The following PPP2R2B variants were observed in gnomAD, a reference collection of about 807,000 sequenced individuals.
PPP2R2B encodes the protein protein phosphatase 2 regulatory subunit Bbeta, also known as serine/threonine-protein phosphatase 2A 55 kDa regulatory subunit B beta isoform.
PPP2R2B carries 5 observed loss-of-function variants against 46.0 expected under a neutral mutation model. That is an observed-to-expected ratio of 0.11 (90% confidence interval 0.06 to 0.23). The LOEUF is 0.23. PPP2R2B is among the 10% of genes least tolerant of loss of function. The probability of loss-of-function intolerance (pLI) is 1.00; values close to 1 mark genes in which losing one functional copy is unlikely to be tolerated. For missense variants in PPP2R2B, 367 were observed against 575.0 expected (o/e 0.64, Z 3.70); for synonymous variants, 215 against 206.7 (o/e 1.04, Z -0.34).
Position 146,878,386 on chromosome 5 carries a change from G to A in PPP2R2B, c.-124-191C>T, listed in dbSNP as rs1012893682. The A allele has an allele frequency of 1.7e-5, 24 of 1,429,356 alleles. No homozygotes were observed. Among genetic ancestry groups the A allele is most frequent in the Admixed American group, 2.9e-5 (1 of 34,388 alleles). 88.5% of individuals were successfully genotyped at this position (1,429,356 alleles called of 1,614,324 possible). ...CGGGTGCCAAGATACGCCGTGCCCC[G>A]AGGGGTCTGGTCCCGCCCGCCCGCC... On this transcript the variant is annotated intron_variant, in intron 1 of 9. Transcript: ENST00000394411. The surrounding 1 kb of genome is among the most constrained non-coding windows in gnomAD (Gnocchi z 4.5).
chr5:146,906,050 A>G (rs966364660), intron 1 of PPP2R2B, among the ~76,000 whole-genome samples: 1 of 152,084 alleles, frequency 6.6e-6, no homozygotes, highest in African/African-American at 2.4e-5. Context: ...ATTTGAACCT[A>G]TTTTTTCAGC....
chr5:146,825,485 TTTGCACTTGCTTGCATTTCTATCA>T (rs1375175836), intron 2 of PPP2R2B, among the ~76,000 whole-genome samples: 1 of 152,224 alleles, frequency 6.6e-6, no homozygotes, highest in Non-Finnish European at 1.5e-5. Flanking sequence ...GGTACATGAA[TTTGCACTTGCTTGCATTTCTATCA>T]TTGCACTTGC....
chr5:146,690,364 T>G (rs551965640), intron 5 of PPP2R2B, among the ~76,000 whole-genome samples: 1 of 152,338 alleles, frequency 6.6e-6, no homozygotes, highest in South Asian at 2.1e-4. Flanking sequence ...ACTTTTCTGG[T>G]CTCCAAAAAC....
At chr5:147,044,262 C>T (rs1756448807) in intron 1 of PPP2R2B, among the ~76,000 whole-genome samples, 1 of 152,028 alleles carries the variant, frequency 6.6e-6, no homozygotes, top group African/African-American at 2.4e-5. Flanking sequence ...AATTTAAAGA[C>T]TTAGGCATAC....
intron 1 of PPP2R2B, among the ~76,000 whole-genome samples, chr5:146,966,711 C>T (rs2151845551): frequency 1.3e-5 from 2 of 152,288 alleles, no homozygotes; most frequent in Middle Eastern, 6.8e-3. Flanking sequence ...CTGGGCCTGG[C>T]ACAGCGTAGG....
chr5:147,057,924 A>G (rs1757141370), upstream of PPP2R2B, among the ~76,000 whole-genome samples: 1 of 152,234 alleles, frequency 6.6e-6, no homozygotes, highest in Non-Finnish European at 1.5e-5. Context: ...TAGTTCATAT[A>G]AAGGGCTTAG....
intron 2 of PPP2R2B, among the ~76,000 whole-genome samples, chr5:147,066,485 G>T (rs781249980): frequency 5.9e-5 from 9 of 152,128 alleles, no homozygotes; most frequent in Admixed American, 1.3e-4. Context: ...GCAAACCTGG[G>T]TGAGACTTTC....
At chr5:146,849,515 T>C (rs555153602) in intron 2 of PPP2R2B, among the ~76,000 whole-genome samples, 17 of 152,334 alleles carry the variant, frequency 1.1e-4, no homozygotes, top group Non-Finnish European at 2.2e-4. Context: ...GTTGACTTAC[T>C]GTTGAATTTA....
At chr5:146,799,563 T>C (rs1433591106) in intron 2 of PPP2R2B, among the ~76,000 whole-genome samples, 1 of 152,156 alleles carries the variant, frequency 6.6e-6, no homozygotes, top group Non-Finnish European at 1.5e-5. Flanking sequence ...TGTCCACTCA[T>C]GAGTTTTGGG....
intron 2 of PPP2R2B, among the ~76,000 whole-genome samples, chr5:146,704,009 C>A (rs753147351): frequency 2.2e-4 from 34 of 152,170 alleles, no homozygotes; most frequent in Non-Finnish European, 4.0e-4. Context: ...TTGTCTACTT[C>A]CCTTCAGAGA....
At chr5:146,775,125 A>T (rs977534321) in intron 2 of PPP2R2B, among the ~76,000 whole-genome samples, 1 of 152,180 alleles carries the variant, frequency 6.6e-6, no homozygotes, top group Admixed American at 6.6e-5. Context: ...AAACAAAAAC[A>T]CTTTCTTAAT....
At chr5:146,843,127 C>T (rs938631315) in intron 2 of PPP2R2B, among the ~76,000 whole-genome samples, 3 of 152,212 alleles carry the variant, frequency 2.0e-5, no homozygotes, top group East Asian at 3.9e-4. Context: ...GCGGAGGTTG[C>T]GGTGAGCCCA....
chr5:147,070,461 G>A (rs1459785955), intron 2 of PPP2R2B, among the ~76,000 whole-genome samples: 2 of 152,126 alleles, frequency 1.3e-5, no homozygotes. Context: ...ATTTATTATT[G>A]GCTTTTAAAT....
chr5:146,628,826 C>A (rs1774234355), intron 7 of PPP2R2B, among the ~76,000 whole-genome samples: 1 of 152,178 alleles, frequency 6.6e-6, no homozygotes, highest in African/African-American at 2.4e-5. Flanking sequence ...CACTTCACCC[C>A]TCTCATCTTT....
At chr5:146,965,492 C>A (rs900441482) in intron 1 of PPP2R2B, among the ~76,000 whole-genome samples, 2 of 151,836 alleles carry the variant, frequency 1.3e-5, no homozygotes, top group Non-Finnish European at 2.9e-5. Context: ...TTTTTTAATC[C>A]GTGAAAAAGA....
At chr5:147,050,828 CTG>C (rs968941852) in intron 1 of PPP2R2B, among the ~76,000 whole-genome samples, 1 of 151,232 alleles carries the variant, frequency 6.6e-6, no homozygotes, top group Admixed American at 6.6e-5. Context: ...ATTTTTCCCT[CTG>C]TGTGTGTGTG....
chr5:146,888,127 A>T (rs914193837), intron 1 of PPP2R2B, among the ~76,000 whole-genome samples: 2 of 152,046 alleles, frequency 1.3e-5, no homozygotes, highest in Non-Finnish European at 2.9e-5. Flanking sequence ...CTCTAAATGT[A>T]TAACTACCCT....
At chr5:147,067,611 T>A (rs1018136739) in intron 2 of PPP2R2B, among the ~76,000 whole-genome samples, 4 of 152,164 alleles carry the variant, frequency 2.6e-5, no homozygotes, top group African/African-American at 9.6e-5. Flanking sequence ...AGTGGTAAAG[T>A]GGAAGAGGAA....
chr5:146,696,325 C>T (rs188473442), intron 4 of PPP2R2B, among the ~76,000 whole-genome samples: 28 of 152,246 alleles, frequency 1.8e-4, no homozygotes, highest in African/African-American at 6.0e-4. Flanking sequence ...AGGATGGTCT[C>T]GATCTCCTGA....
Sources: allele counts gnomAD v4.1 joint callset (sites outside exome capture counted in the v4.1 genomes callset), GRCh38; gene constraint gnomAD v4.1.1; non-coding constraint Gnocchi (gnomAD v3.1); transcripts MANE v1.5; gene names NCBI Gene and HGNC (gene_info 2026-07-23, HGNC 2026-07-21).